GALM: variants seen among roughly 807,000 people sequenced by gnomAD.
GALM encodes galactose mutarotase.
In GALM, 43 loss-of-function variants were observed where a neutral mutation model predicts 37.4. That is an observed-to-expected ratio of 1.15 (90% CI 0.90 to 1.48). The LOEUF (loss-of-function observed/expected upper bound fraction) is 1.48. GALM is among the 40% of genes most tolerant of loss of function. The pLI is 0.00. For synonymous variants in GALM, 199 were observed against 170.6 expected, an observed-to-expected ratio of 1.17 and a Z score of -1.30; for missense variants, 456 against 419.1, an observed-to-expected ratio of 1.09 and a Z score of -0.77.
intron 4 of GALM, among the ~76,000 whole-genome samples, chr2:38,713,739 A>T (rs1373463509): frequency 1.3e-5 from 2 of 152,018 alleles, no homozygotes; most frequent in Non-Finnish European, 2.9e-5. Flanking sequence ...CCCCATCCCT[A>T]CAAAAAAATT....
intron 4 of GALM, among the ~76,000 whole-genome samples, chr2:38,696,008 G>C (rs1665796823): frequency 6.6e-6 from 1 of 150,984 alleles, no homozygotes; most frequent in Non-Finnish European, 1.5e-5. Context: ...CTGCGTGTTT[G>C]TTTTTTAAAT....
At chr2:38,675,534 T>TTG (rs1665230259) in intron 1 of GALM, among the ~76,000 whole-genome samples, 4 of 95,192 alleles carry the variant, frequency 4.2e-5, no homozygotes, top group African/African-American at 2.1e-4. Flanking sequence ...TTGTTTTTTT[T>TTG]TTTTTTTTTT....
chr2:38,667,221 A>T (rs895691044), intron 1 of GALM, among the ~76,000 whole-genome samples: 6 of 152,146 alleles, frequency 3.9e-5, no homozygotes, highest in African/African-American at 1.4e-4. Flanking sequence ...GGAAACTGAG[A>T]GTTAATACTC....
chr2:38,683,603 G>T (rs1220082526), intron 3 of GALM, among the ~76,000 whole-genome samples: 1 of 151,450 alleles, frequency 6.6e-6, no homozygotes, highest in Non-Finnish European at 1.5e-5. Flanking sequence ...TTTCACTCTT[G>T]TTGCCCAGGC....
At chr2:38,678,872 TG>T (rs1289148586) in intron 2 of GALM, among the ~76,000 whole-genome samples, 1 of 152,248 alleles carries the variant, frequency 6.6e-6, no homozygotes, top group Non-Finnish European at 1.5e-5. Context: ...TCAACTCTTC[TG>T]TTGAAAAGGA....
chr2:38,703,891 T>C (rs1257962521), intron 4 of GALM, among the ~76,000 whole-genome samples: 2 of 151,996 alleles, frequency 1.3e-5, no homozygotes, highest in Non-Finnish European at 2.9e-5. Flanking sequence ...GGCATGTGCC[T>C]ATAGTCCCGG....
At chr2:38,667,239 A>G (rs1446152058) in intron 1 of GALM, among the ~76,000 whole-genome samples, 1 of 152,172 alleles carries the variant, frequency 6.6e-6, no homozygotes, top group Non-Finnish European at 1.5e-5. Flanking sequence ...CTCTCTGCTC[A>G]GTGGTTGGGG....
chr2:38,679,421 A>G (rs1005813030), intron 2 of GALM, among the ~76,000 whole-genome samples: 10 of 152,132 alleles, frequency 6.6e-5, no homozygotes, highest in African/African-American at 1.4e-4. Context: ...ACTGAACTCA[A>G]TTTGCTCATC....
chr2:38,675,549 G>T lies in GALM; in HGVS notation c.191-363G>T, dbSNP rs1490929468. On this transcript the variant is annotated intron_variant, in intron 1 of 6. Coordinates refer to ENST00000272252, the MANE Select transcript of GALM (RefSeq NM_138801.3). ...TTGTTTTTTTTTTTTTTTTTTGTGT[G>T]TGTGTGTGTGTGTGTGTGTGTGTGT... is the stretch of plus-strand genomic sequence containing the variant. Among the ~76,000 whole-genome samples the T allele has an allele frequency of 1.6e-3, 127 of 77,478 alleles. 1 individual carries two copies. Among genetic ancestry groups the T allele is most frequent in the African/African-American group, 2.1e-3 (28 of 13,150 alleles). 50.8% of individuals were successfully genotyped at this position (77,478 alleles called of 152,430 possible).
At chr2:38,674,941 G>A (rs1023827885) in intron 1 of GALM, among the ~76,000 whole-genome samples, 10 of 152,240 alleles carry the variant, frequency 6.6e-5, no homozygotes, top group Non-Finnish European at 1.2e-4. Context: ...TTGGGAGGCC[G>A]AGTTGGGCAG....
intron 4 of GALM, among the ~76,000 whole-genome samples, chr2:38,717,964 AGTTAG>A (rs1666302803): frequency 6.6e-6 from 1 of 151,020 alleles, no homozygotes; most frequent in Non-Finnish European, 1.5e-5. Context: ...CCTCCCAAGT[AGTTAG>A]GACTACAGGC....
At chr2:38,697,994 A>T (rs367894635) in intron 4 of GALM, among the ~76,000 whole-genome samples, 5 of 151,804 alleles carry the variant, frequency 3.3e-5, no homozygotes, top group Non-Finnish European at 7.4e-5. Context: ...CCAGGCTGGA[A>T]GTACAGTGGT....
intron 4 of GALM, among the ~76,000 whole-genome samples, chr2:38,713,875 A>C (rs1459678654): frequency 6.7e-6 from 1 of 149,680 alleles, no homozygotes; most frequent in Admixed American, 6.7e-5. Flanking sequence ...ACAGCACTCT[A>C]GCCTGGGCAA....
rs369470594 is a variant in GALM at position 38,731,753 on chromosome 2, C to T, written c.795C>T (p.Ser265=). ...TTACCAGGGTGCATCATGCTGCAAG[C>T]GGGCGGGTACTAGAAGTATACACCA... ...HFCARVHHAA[S]GRVLEVYTTQ... Residue 265 remains serine, a synonymous_variant, in exon 6 of 7, where the codon AGC becomes AGT. Coordinates refer to ENST00000272252, the MANE Select transcript of GALM (RefSeq NM_138801.3). 5.6e-6 allele frequency: 9 copies of T among 1,613,530 alleles called. No homozygotes were observed. The highest frequency in any genetic ancestry group is 4.0e-5 in the African/African-American group (3 of 74,890).
intron 4 of GALM, chr2:38,698,507 G>C: frequency 1.4e-6 from 1 of 728,160 alleles, no homozygotes; most frequent in Non-Finnish European, 1.9e-6. Flanking sequence ...ATTATTCTTA[G>C]CTACTTAAAA....
chr2:38,676,719 C>T (rs553101824), intron 2 of GALM, among the ~76,000 whole-genome samples: 8 of 152,272 alleles, frequency 5.3e-5, no homozygotes, highest in South Asian at 2.1e-4. Context: ...GCTGAGATCA[C>T]GCCACTGCAC....
At chr2:38,669,876 G>T (rs898328820) in intron 1 of GALM, among the ~76,000 whole-genome samples, 2 of 140,540 alleles carry the variant, frequency 1.4e-5, no homozygotes, top group Admixed American at 7.0e-5. Flanking sequence ...CATCTCAAAA[G>T]AAGAAAAAAA....
intron 4 of GALM, among the ~76,000 whole-genome samples, chr2:38,697,634 CTG>C (rs988385646): frequency 2.0e-5 from 3 of 152,156 alleles, no homozygotes; most frequent in African/African-American, 4.8e-5. Flanking sequence ...TTTGCAGTAA[CTG>C]TTAAAATTGT....
intron 4 of GALM, among the ~76,000 whole-genome samples, chr2:38,728,873 G>T (rs111361875): frequency 0.045 from 6,895 of 151,788 alleles, no homozygotes; most frequent in Non-Finnish European, 0.066. Flanking sequence ...CTCCTGGGTG[G>T]GCCATAATTT....
Sources: allele counts gnomAD v4.1 joint callset (sites outside exome capture counted in the v4.1 genomes callset), GRCh38; gene constraint gnomAD v4.1.1; transcripts MANE v1.5; gene names NCBI Gene and HGNC (gene_info 2026-07-23, HGNC 2026-07-21).